LACTB2: variants seen among roughly 807,000 people sequenced by gnomAD.
LACTB2 encodes the protein endoribonuclease LACTB2.
In LACTB2, 32 loss-of-function variants were observed where a neutral mutation model predicts 34.8. The ratio of observed to expected loss-of-function variants is 0.92; its 90% CI spans 0.69 to 1.24. LACTB2 has a LOEUF of 1.24. LACTB2 is among the 50% of genes most tolerant of loss of function. The pLI is 0.00. For synonymous variants in LACTB2, 120 were observed against 117.5 expected (o/e 1.02, Z -0.14); for missense variants, 320 against 345.0 (o/e 0.93, Z 0.57).
intron 5 of LACTB2, among the ~76,000 whole-genome samples, chr8:70,639,510 A>G (rs967002999): frequency 6.6e-6 from 1 of 152,214 alleles, no homozygotes; most frequent in African/African-American, 2.4e-5. Context: ...GTTTAGCATA[A>G]TAATACATAG....
chr8:70,650,889 A>G lies in LACTB2; in HGVS notation c.414-6646T>C, dbSNP rs1424241824. Among the ~76,000 whole-genome samples, 4 of 152,008 alleles carry G rather than the reference A, an allele frequency of 2.6e-5. No homozygotes were observed. The East Asian group carries it at 7.7e-4, about 29-fold the overall frequency. On this transcript the variant is annotated intron_variant, in intron 3 of 6. Coordinates refer to ENST00000276590, the MANE Select transcript of LACTB2 (RefSeq NM_016027.3). The stretch of plus-strand genomic sequence containing the variant: ...AGAGAATCCAAAAGCACATTGAAAG[A>G]TCATGACCAAATAAGATTTATTAAA...
intron 3 of LACTB2, among the ~76,000 whole-genome samples, chr8:70,645,377 C>G (rs1474030364): frequency 2.0e-5 from 3 of 152,082 alleles, no homozygotes; most frequent in Non-Finnish European, 4.4e-5. Context: ...AAGTGCTTAG[C>G]ATAGCAGATG....
chr8:70,642,731 G>A (rs1173714060), intron 4 of LACTB2, among the ~76,000 whole-genome samples: 1 of 151,978 alleles, frequency 6.6e-6, no homozygotes, highest in Non-Finnish European at 1.5e-5. Context: ...TGATCTGCCT[G>A]CCTTGGCCTC....
At chr8:70,657,636 C>A in intron 3 of LACTB2, 120 bp downstream of exon 3, 1 of 951,820 alleles carries the variant, frequency 1.1e-6, no homozygotes, top group Non-Finnish European at 1.5e-6. Flanking sequence ...TGGTCTTGAA[C>A]TCCTGGGCTC....
rs1250469117 is a variant in LACTB2, at chr8:70,664,665, A to G, written c.123-2768T>C. 1.3e-5 allele frequency among the ~76,000 whole-genome samples: 2 copies of G among 152,218 alleles called. 1 individual carries two copies. Among genetic ancestry groups the G allele is most frequent in the South Asian group, 4.1e-4 (2 of 4,832 alleles). Reference sequence around the variant, plus strand: ...GTCTAGATACTATAAAACCTAAAACATGAGTTTGCACCAAGCTTTGAGGGA... The same window carrying G: ...GTCTAGATACTATAAAACCTAAAACGTGAGTTTGCACCAAGCTTTGAGGGA... On this transcript the variant is annotated intron_variant, in intron 1 of 6. Coordinates refer to ENST00000276590, the MANE Select transcript of LACTB2 (RefSeq NM_016027.3).
intron 1 of LACTB2, among the ~76,000 whole-genome samples, chr8:70,664,259 C>T (rs1023322308): frequency 6.6e-6 from 1 of 152,172 alleles, no homozygotes; most frequent in African/African-American, 2.4e-5. Flanking sequence ...CTTGCCTTCC[C>T]GTCCTCCCAA....
At position 70,669,171 on chromosome 8, in the gene LACTB2, G is replaced by C. The variant is rs760628612; in HGVS notation, c.-51C>G. The C allele has an allele frequency of 5.0e-6, 8 of 1,596,448 alleles. No individual in the cohort carries two copies. The highest frequency in any genetic ancestry group is 1.8e-4 in the Middle Eastern group (1 of 5,644). On this transcript the variant is annotated 5_prime_UTR_variant, in exon 1 of 7. Transcript: ENST00000276590. ...GTCGCCTATCTGGATACTCCAGCGC[G>C]GAAGAAGCCAACAGGCCGGGGATAG...
chr8:70,645,225 C>A (rs999560000), intron 3 of LACTB2, among the ~76,000 whole-genome samples: 1 of 152,184 alleles, frequency 6.6e-6, no homozygotes, highest in Non-Finnish European at 1.5e-5. Context: ...AAGCAATTCT[C>A]CAACTTCAGC....
intron 2 of LACTB2, among the ~76,000 whole-genome samples, chr8:70,658,529 A>T (rs879461046): frequency 2.6e-5 from 4 of 152,196 alleles, no homozygotes; most frequent in Non-Finnish European, 4.4e-5. Context: ...GGGAAACTAA[A>T]ACTTACAAAC....
chr8:70,652,627 C>A (rs979366738), intron 3 of LACTB2: 7 of 152,152 alleles, frequency 4.6e-5, no homozygotes, highest in African/African-American at 1.7e-4. Context: ...CAAGACAGTA[C>A]TCAACTGAAG....
Position 70,637,703 on chromosome 8 carries a change from T to A in LACTB2, c.*157A>T, listed in dbSNP as rs183241403. 1 of 430,426 alleles carries A rather than the reference T, an allele frequency of 2.3e-6. No homozygotes were observed. The highest frequency in any genetic ancestry group is 3.6e-5 in the East Asian group (1 of 27,876). 26.7% of individuals were successfully genotyped at this position (430,426 alleles called of 1,614,324 possible). A position where few individuals can be genotyped will look rare whatever the true frequency, so the allele number is the denominator to read the frequency against. ...CCTATCATATGGTTGTATAGTGTAA[T>A]TTACATATTTTAGCATAAATATAAC... On this transcript the variant is annotated 3_prime_UTR_variant, in exon 7 of 7. Coordinates refer to ENST00000276590, the MANE Select transcript of LACTB2 (RefSeq NM_016027.3).
chr8:70,665,570 T>C (rs1315163428), intron 1 of LACTB2, among the ~76,000 whole-genome samples: 1 of 152,218 alleles, frequency 6.6e-6, no homozygotes, highest in Non-Finnish European at 1.5e-5. Context: ...ACATGGTATG[T>C]TTTCCACGTG....
At chr8:70,649,617 G>A (rs1818312816) in intron 3 of LACTB2, among the ~76,000 whole-genome samples, 1 of 152,150 alleles carries the variant, frequency 6.6e-6, no homozygotes, top group African/African-American at 2.4e-5. Context: ...CAGGAATGGT[G>A]CTCAAAAGTG....
chr8:70,644,225 G>A lies in LACTB2; in HGVS notation c.432C>T (p.Gly144=). The stretch of plus-strand genomic sequence containing the variant: ...GTAGAGCCATGTGATCATCAGTGTG[G>A]CCAGGGGTATATAGAACTCTGGTTG... ...GATLRVLYTP[G]HTDDHMALLL... Residue 144 remains glycine, a synonymous_variant, in exon 4 of 7, where the codon GGC becomes GGT. Coordinates refer to ENST00000276590, the MANE Select transcript of LACTB2 (RefSeq NM_016027.3). 1.3e-6 allele frequency: 2 copies of A among 1,580,868 alleles called. No homozygotes were observed. Among genetic ancestry groups the A allele is most frequent in the South Asian group, 2.3e-5 (2 of 86,750 alleles).
At chr8:70,664,761 C>T (rs907165364) in intron 1 of LACTB2, among the ~76,000 whole-genome samples, 8 of 152,030 alleles carry the variant, frequency 5.3e-5, no homozygotes, top group African/African-American at 1.9e-4. Flanking sequence ...TTCATATTTA[C>T]TATTTCTTTT....
chr8:70,644,314 A>G, intron 3 of LACTB2, 71 bp from the exon 4 acceptor site: 1 of 1,032,166 alleles, frequency 9.7e-7, no homozygotes, highest in Non-Finnish European at 1.4e-6. Context: ...TGAGAAGTAA[A>G]TTATTCTGTA....
chr8:70,668,221 A>G (rs1818562870), intron 1 of LACTB2, among the ~76,000 whole-genome samples: 1 of 152,354 alleles, frequency 6.6e-6, no homozygotes, highest in South Asian at 2.1e-4. Flanking sequence ...TCTTGACTGC[A>G]CAATTAAATT....
At chr8:70,660,848 G>T (rs954438315) in intron 2 of LACTB2, 4 of 455,966 alleles carry the variant, frequency 8.8e-6, no homozygotes, top group Middle Eastern at 3.3e-4. Context: ...CACAATATTG[G>T]CTTACTGCAG....
At chr8:70,658,803 G>A (rs969908221) in intron 2 of LACTB2, among the ~76,000 whole-genome samples, 3 of 152,110 alleles carry the variant, frequency 2.0e-5, no homozygotes, top group Admixed American at 2.0e-4. Flanking sequence ...AAGGTGGGAG[G>A]ATCACGAGGT....
Sources: allele counts gnomAD v4.1 joint callset (sites outside exome capture counted in the v4.1 genomes callset), GRCh38; gene constraint gnomAD v4.1.1; transcripts MANE v1.5; gene names NCBI Gene and HGNC (gene_info 2026-07-23, HGNC 2026-07-21).